GIGYF2: variants seen among roughly 807,000 people sequenced by gnomAD.
The protein encoded by GIGYF2 is GRB10 interacting GYF protein 2.
Under a neutral mutation model 208.1 loss-of-function variants are expected in GIGYF2, and 25 were observed. That is an observed-to-expected ratio of 0.12 (90% CI 0.09 to 0.17). The LOEUF is 0.17. GIGYF2 is among the 10% of genes least tolerant of loss of function. The pLI is 1.00. For synonymous variants in GIGYF2, 534 were observed against 543.8 expected (o/e 0.98, Z 0.25); for missense variants, 1,302 against 1,579.4 (o/e 0.82, Z 2.98).
intron 21 of GIGYF2, among the ~76,000 whole-genome samples, chr2:232,827,289 T>C (rs1331257986): frequency 1.3e-5 from 2 of 152,120 alleles, no homozygotes; most frequent in African/African-American, 4.8e-5. Flanking sequence ...AAACCAAAAG[T>C]TTTGTACGAC....
chr2:232,742,025 C>T (rs1697986469), intron 3 of GIGYF2, among the ~76,000 whole-genome samples: 1 of 146,836 alleles, frequency 6.8e-6, no homozygotes, highest in Non-Finnish European at 1.5e-5. Context: ...TTAACATCTC[C>T]TTCCTAGCAC....
Position 232,747,674 on chromosome 2 carries a change from C to T in GIGYF2, c.101C>T (p.Pro34Leu), listed in dbSNP as rs781088947. Residue 34 changes from proline to leucine, a missense_variant, in exon 4 of 29, where the codon CCG becomes CTG. Physicochemically the swap from Pro to Leu is moderately conservative, Grantham distance 98. This residue lies in a region of GIGYF2 where 27 missense variants were observed against 59.5 expected (regional missense o/e 0.45). Coordinates refer to ENST00000373563, the MANE Select transcript of GIGYF2 (RefSeq NM_001103146.3). The part of the protein sequence containing the change: ...ITSPPLSPAL[P>L]KYKLADYRYG... ...TCCCCTCCTCTTTCTCCAGCATTGCCGAAGTATAAATTAGCAGATTATCGT... is the reference window on the plus strand; with the variant it reads ...TCCCCTCCTCTTTCTCCAGCATTGCTGAAGTATAAATTAGCAGATTATCGT... 17 of 1,613,418 alleles carry T rather than the reference C, an allele frequency of 1.1e-5. No homozygotes were observed. Among genetic ancestry groups the T allele is most frequent in the South Asian group, 1.1e-5 (1 of 91,062 alleles).
In GIGYF2 at chr2:232,857,367, G is replaced by A. The variant is rs1026274886; in HGVS notation, c.*507G>A. On this transcript the variant is annotated 3_prime_UTR_variant, in exon 29 of 29. Transcript: ENST00000373563. Reference sequence around the variant, plus strand: ...GGACTGTGACTCGAGTATCCAACAGGCAGTCAGAGCTCTCCCGGTCTGAAA... The same window carrying A: ...GGACTGTGACTCGAGTATCCAACAGACAGTCAGAGCTCTCCCGGTCTGAAA... 1 of 182,268 alleles carries A rather than the reference G, an allele frequency of 5.5e-6. No individual in the cohort carries two copies. The allele number at this position is 182,268 out of a possible 1,614,324, so 11.3% of individuals were successfully genotyped here. A position where few individuals can be genotyped will look rare whatever the true frequency, so the allele number is the denominator to read the frequency against.
chr2:232,788,814 T>G (rs1699990876), intron 9 of GIGYF2, among the ~76,000 whole-genome samples: 1 of 152,142 alleles, frequency 6.6e-6, no homozygotes. Context: ...TCCATATACA[T>G]ATATATTTTT....
At chr2:232,721,935 T>C (rs1311956278) in intron 2 of GIGYF2, among the ~76,000 whole-genome samples, 1 of 152,214 alleles carries the variant, frequency 6.6e-6, no homozygotes, top group Non-Finnish European at 1.5e-5. Context: ...TCTACTATAC[T>C]TGCTTTTTGG....
rs1690655119 is a variant in GIGYF2 at position 232,858,479 on chromosome 2, C to CT, written c.*1620dup. 3 of 455,768 alleles carry CT rather than the reference C, an allele frequency of 6.6e-6. No homozygotes were observed. The Admixed American group carries it at 7.1e-5, about 11-fold the overall frequency. 28.2% of individuals were successfully genotyped at this position (455,768 alleles called of 1,614,324 possible). ...GAGAGGAAACCATTAAAAGTTGGGG[C>CT]TCCTACTCTCCTTTGCTTTGTAAAT... On this transcript the variant is annotated 3_prime_UTR_variant, in exon 29 of 29. Coordinates refer to ENST00000373563, the MANE Select transcript of GIGYF2 (RefSeq NM_001103146.3).
chr2:232,835,899 G>A (rs113707255), intron 22 of GIGYF2, among the ~76,000 whole-genome samples: 7,988 of 151,506 alleles, frequency 0.053, 304 homozygotes, highest in Non-Finnish European at 0.078. Context: ...CTGGTGGTGC[G>A]TGTGGCTGCA....
intron 1 of GIGYF2, among the ~76,000 whole-genome samples, chr2:232,698,655 CTG>C (rs1695713341): frequency 6.6e-6 from 1 of 152,130 alleles, no homozygotes; most frequent in African/African-American, 2.4e-5. Flanking sequence ...TGTGCTCAAA[CTG>C]GAATATGTAC....
intron 19 of GIGYF2, among the ~76,000 whole-genome samples, chr2:232,816,214 A>C (rs144039545): frequency 6.6e-6 from 1 of 152,188 alleles, no homozygotes; most frequent in Non-Finnish European, 1.5e-5. Flanking sequence ...GGAAGAGCTA[A>C]ATCTTGAATT....
intron 6 of GIGYF2, among the ~76,000 whole-genome samples, 176 bp downstream of exon 6, chr2:232,756,510 C>A (rs1698548324): frequency 6.6e-6 from 1 of 152,054 alleles, no homozygotes; most frequent in South Asian, 2.1e-4. Context: ...CCTCTATAAT[C>A]CCTGATTTGG....
intron 2 of GIGYF2, among the ~76,000 whole-genome samples, chr2:232,732,978 G>T (rs1054782773): frequency 6.6e-6 from 1 of 151,624 alleles, no homozygotes; most frequent in Non-Finnish European, 1.5e-5. Flanking sequence ...GAGGAGGGGC[G>T]GGGCGCAGTG....
At chr2:232,703,778 G>A (rs1302149975) in intron 2 of GIGYF2, among the ~76,000 whole-genome samples, 1 of 152,218 alleles carries the variant, frequency 6.6e-6, no homozygotes, top group Non-Finnish European at 1.5e-5. Flanking sequence ...CCAAAGAGCA[G>A]TTGACTTCAT....
At chr2:232,847,710 A>G (rs2106428930) in intron 27 of GIGYF2, 139 bp downstream of exon 27, 1 of 1,181,316 alleles carries the variant, frequency 8.5e-7, no homozygotes. Context: ...TGTATACTTC[A>G]TATTTTCAAA....
intron 28 of GIGYF2, among the ~76,000 whole-genome samples, chr2:232,851,804 A>T (rs774636479): frequency 6.6e-6 from 1 of 152,224 alleles, no homozygotes; most frequent in Non-Finnish European, 1.5e-5. Context: ...CAAGGATGGA[A>T]GTTCCGGTTG....
chr2:232,794,642 G>C (rs989626800), intron 12 of GIGYF2, 106 bp from the exon 13 acceptor site: 1 of 861,462 alleles, frequency 1.2e-6, no homozygotes, highest in East Asian at 2.4e-5. Flanking sequence ...CAGGGCTCAC[G>C]TTTTCTGTTT....
chr2:232,819,601 T>C (rs901118659), intron 20 of GIGYF2, among the ~76,000 whole-genome samples: 1 of 152,234 alleles, frequency 6.6e-6, no homozygotes, highest in Non-Finnish European at 1.5e-5. Flanking sequence ...CAGTTTATTG[T>C]AATTTAACTG....
intron 28 of GIGYF2, among the ~76,000 whole-genome samples, chr2:232,852,605 CAA>C (rs1390996561): frequency 6.7e-6 from 1 of 148,888 alleles, no homozygotes; most frequent in African/African-American, 2.4e-5. Flanking sequence ...ATAATAATAA[CAA>C]AGAATTGGTG....
chr2:232,721,351 T>C (rs752438923), intron 2 of GIGYF2, among the ~76,000 whole-genome samples: 9 of 152,230 alleles, frequency 5.9e-5, no homozygotes, highest in Non-Finnish European at 1.3e-4. Context: ...TTCTCTGAAA[T>C]GTTATTTTTG....
rs193278192 is a variant in GIGYF2 at position 232,812,571 on chromosome 2, A to C, written c.2107+80A>C. On this transcript the variant is annotated intron_variant, in intron 18 of 28. Coordinates refer to ENST00000373563, the MANE Select transcript of GIGYF2 (RefSeq NM_001103146.3). ...AATTTTACAATTCAGTTCTTAAAAA[A>C]TATATTAGGTTTCTGAATCCATTTT... The C allele has an allele frequency of 6.5e-5, 46 of 703,390 alleles. No individual in the cohort carries two copies. The East Asian group carries it at 1.2e-3, about 18-fold the overall frequency. 43.6% of individuals were successfully genotyped at this position (703,390 alleles called of 1,614,324 possible).
Sources: gnomAD v4.1 joint callset for allele counts (sites outside exome capture counted in the v4.1 genomes callset) on GRCh38, gnomAD v4.1.1 for gene constraint, gnomAD v4.1.1 regional missense constraint, MANE v1.5 for transcripts, NCBI Gene and HGNC (gene_info 2026-07-23, HGNC 2026-07-21) for gene names.